The following WDR59 variants were observed in gnomAD, a reference collection of about 807,000 sequenced individuals.
WDR59 encodes the protein GATOR2 complex protein WDR59.
Under a neutral mutation model 131.2 loss-of-function variants are expected in WDR59, and 100 were observed. The observed-to-expected ratio is 0.76, with a 90% CI of 0.65 to 0.90. The LOEUF (loss-of-function observed/expected upper bound fraction) is 0.90, where lower values mean the gene tolerates loss of function less well. Ranked by LOEUF, WDR59 falls within the 40% of genes least tolerant of loss-of-function variation. The pLI is 0.00. For synonymous variants in WDR59, 601 were observed against 466.2 expected, an observed-to-expected ratio of 1.29 and a Z score of -3.72; for missense variants, 1,203 against 1,262.2, an observed-to-expected ratio of 0.95 and a Z score of 0.71.
chr16:74,898,622 C>A (rs539919416), intron 18 of WDR59, among the ~76,000 whole-genome samples: 1 of 152,180 alleles, frequency 6.6e-6, no homozygotes, highest in South Asian at 2.1e-4. Context: ...AGCCAGCTTG[C>A]GACTGTACCA....
intron 18 of WDR59, among the ~76,000 whole-genome samples, chr16:74,898,980 A>T (rs1965420865): frequency 6.6e-6 from 1 of 152,170 alleles, no homozygotes; most frequent in Admixed American, 6.5e-5. Context: ...ATTCCCCTGA[A>T]TATTCTTTAT....
At chr16:74,886,511 G>T (rs772838796) in intron 23 of WDR59, 115 bp from the exon 24 acceptor site, 1 of 1,358,094 alleles carries the variant, frequency 7.4e-7, no homozygotes, top group East Asian at 2.4e-5. Flanking sequence ...AATGTTAAGC[G>T]AGGCTGAATA....
intron 9 of WDR59, among the ~76,000 whole-genome samples, chr16:74,922,505 T>C (rs1422278919): frequency 6.6e-6 from 1 of 152,186 alleles, no homozygotes; most frequent in Non-Finnish European, 1.5e-5. Context: ...GCAGCAGACC[T>C]AATTCTTGCC....
At chr16:74,875,589 G>A (rs368851379) in intron 25 of WDR59, among the ~76,000 whole-genome samples, 3 of 152,186 alleles carry the variant, frequency 2.0e-5, no homozygotes, top group East Asian at 3.9e-4. Context: ...GTGCCCACCC[G>A]GCCATTCAGG....
At chr16:74,893,392 G>C (rs950212363) in intron 19 of WDR59, among the ~76,000 whole-genome samples, 1 of 152,094 alleles carries the variant, frequency 6.6e-6, no homozygotes. Flanking sequence ...CTTTGCATCG[G>C]ATGAGACCAC....
chr16:74,909,550 G>C lies in WDR59; in HGVS notation c.1593C>G (p.Asp531Glu). Residue 531 changes from aspartate (D) to glutamate (E), a missense_variant, in exon 16 of 26, where the codon GAC becomes GAG. Coordinates refer to ENST00000262144, the MANE Select transcript of WDR59 (RefSeq NM_030581.4). ...RVTTAYGSYQ[D>E]ANIPFPRTSG... ...AAGTCCTAGGAAAGGGAATGTTGGC[G>C]TCCTGGTACGACCCGTAAGCCGTGG... 6.2e-7 allele frequency: 1 copy of C among 1,607,454 alleles called. No individual in the cohort carries two copies. Among genetic ancestry groups the C allele is most frequent in the Middle Eastern group, 2.0e-4 (1 of 4,948 alleles).
At chr16:74,934,440 T>C (rs2031640072) in intron 8 of WDR59, among the ~76,000 whole-genome samples, 1 of 152,206 alleles carries the variant, frequency 6.6e-6, no homozygotes, top group Non-Finnish European at 1.5e-5. Context: ...GTTCATAACA[T>C]GCTCTTGCTC....
rs116245842 is a variant in WDR59 at position 74,946,230 on chromosome 16, A to G, written c.445+2289T>C. Among the ~76,000 whole-genome samples, 926 of 152,298 alleles carry G rather than the reference A, an allele frequency of 6.1e-3. 16 individuals carry two copies. Among genetic ancestry groups the G allele is most frequent in the African/African-American group, 0.021 (867 of 41,558 alleles). ...TTATAAATTAAACCTTATCCTAGTTATGTATGTACAGAAAAGAAACATAGT... is the reference window on the plus strand; with the variant it reads ...TTATAAATTAAACCTTATCCTAGTTGTGTATGTACAGAAAAGAAACATAGT... On this transcript the variant is annotated intron_variant, in intron 6 of 25. Coordinates refer to ENST00000262144, the MANE Select transcript of WDR59 (RefSeq NM_030581.4).
intron 25 of WDR59, among the ~76,000 whole-genome samples, chr16:74,881,340 C>A (rs1162917619): frequency 6.6e-6 from 1 of 152,020 alleles, no homozygotes; most frequent in African/African-American, 2.4e-5. Context: ...GCCTTGACAG[C>A]CTTGGGGTAT....
intron 7 of WDR59, among the ~76,000 whole-genome samples, chr16:74,940,484 G>T (rs572540520): frequency 6.6e-6 from 1 of 151,932 alleles, no homozygotes; most frequent in Non-Finnish European, 1.5e-5. Flanking sequence ...TTAAAAGAAG[G>T]CCTATGTACA....
rs1964026160 is a variant in WDR59, at chr16:74,872,359, G to T, written c.*1850C>A. The T allele has an allele frequency of 6.6e-6, 1 of 152,066 alleles. No individual in the cohort carries two copies. Among genetic ancestry groups the T allele is most frequent in the African/African-American group, 2.4e-5 (1 of 41,414 alleles). The allele number at this position is 152,066 out of a possible 1,614,324, so 9.4% of individuals were successfully genotyped here. ...ATATTTCAGTAGAAATAATAAAAAA[G>T]ATTTCTTTTCACTGGCACATACAAA... On this transcript the variant is annotated 3_prime_UTR_variant, in exon 26 of 26. Transcript: ENST00000262144.
At chr16:74,949,470 G>T (rs2032864820) in intron 5 of WDR59, among the ~76,000 whole-genome samples, 1 of 149,974 alleles carries the variant, frequency 6.7e-6, no homozygotes, top group African/African-American at 2.4e-5. Context: ...GAGAGGGAGG[G>T]AGGGAGGACA....
Position 74,985,090 on chromosome 16 carries a change from G to C in WDR59, c.-73C>G. ...GCCGTCCCCAGTATCCCGGGACCGT[G>C]CGCCCCACACAGCCAGAGAATCAGC... On this transcript the variant is annotated 5_prime_UTR_variant, in exon 1 of 26. Coordinates refer to ENST00000262144, the MANE Select transcript of WDR59 (RefSeq NM_030581.4). 1 of 1,428,370 alleles carries C rather than the reference G, an allele frequency of 7.0e-7. No individual in the cohort carries two copies. The highest frequency in any genetic ancestry group is 9.6e-7 in the Non-Finnish European group (1 of 1,037,752). 88.5% of individuals were successfully genotyped at this position (1,428,370 alleles called of 1,614,324 possible). A position where few individuals can be genotyped will look rare whatever the true frequency, so the allele number is the denominator to read the frequency against.
rs975075940 is a variant in WDR59, at chr16:74,876,922, C to T, written c.2690-2478G>A. On this transcript the variant is annotated intron_variant, in intron 25 of 25. Transcript: ENST00000262144. The stretch of plus-strand genomic sequence containing the variant: ...TCACACCTGGCTGCCTTTGGAATAT[C>T]CCTGACAATCCACTAATCGTGCCGG... Among the ~76,000 whole-genome samples, 5 of 152,128 alleles carry T rather than the reference C, an allele frequency of 3.3e-5. No homozygotes were observed. The East Asian group carries it at 9.6e-4, about 29-fold the overall frequency.
intron 17 of WDR59, 40 bp from the exon 18 acceptor site, chr16:74,904,140 C>A: frequency 1.9e-6 from 3 of 1,590,170 alleles, no homozygotes; most frequent in Non-Finnish European, 2.6e-6. Flanking sequence ...TGGCTGCAGT[C>A]CTGTCATATT....
intron 8 of WDR59, among the ~76,000 whole-genome samples, chr16:74,935,511 A>G (rs2031728450): frequency 6.6e-6 from 1 of 152,118 alleles, no homozygotes; most frequent in Non-Finnish European, 1.5e-5. Context: ...ATTTAGTGAT[A>G]CCTTGCTCCA....
chr16:74,937,285 G>A lies in WDR59; in HGVS notation c.651+865C>T, dbSNP rs148258597. On this transcript the variant is annotated intron_variant, in intron 8 of 25. Coordinates refer to ENST00000262144, the MANE Select transcript of WDR59 (RefSeq NM_030581.4). Reference sequence around the variant, plus strand: ...AATCTTGAGCATTTCCTGTAAGTTAGAGAATCACTAATAAAATGACTCTAT... The same window carrying A: ...AATCTTGAGCATTTCCTGTAAGTTAAAGAATCACTAATAAAATGACTCTAT... Among the ~76,000 whole-genome samples, 649 of 152,324 alleles carry A rather than the reference G, an allele frequency of 4.3e-3. 8 individuals carry two copies. Among genetic ancestry groups the A allele is most frequent in the African/African-American group, 0.015 (611 of 41,584 alleles).
At chr16:74,903,641 A>C (rs1965659488) in intron 18 of WDR59, among the ~76,000 whole-genome samples, 1 of 152,218 alleles carries the variant, frequency 6.6e-6, no homozygotes, top group Non-Finnish European at 1.5e-5. Context: ...AAGCTAAGGT[A>C]TTCTACCCTG....
chr16:74,893,505 T>C (rs890051139), intron 19 of WDR59, among the ~76,000 whole-genome samples, 174 bp downstream of exon 19: 2 of 151,918 alleles, frequency 1.3e-5, no homozygotes, highest in Admixed American at 6.6e-5. Flanking sequence ...AAGAAATGAA[T>C]GTTGTTGGAA....
Sources: allele counts gnomAD v4.1 joint callset (sites outside exome capture counted in the v4.1 genomes callset), GRCh38; gene constraint gnomAD v4.1.1; transcripts MANE v1.5; gene names NCBI Gene and HGNC (gene_info 2026-07-23, HGNC 2026-07-21).